Variants in UBXN2B observed in about 807,000 individuals in gnomAD.
The protein encoded by UBXN2B is UBX domain protein 2B.
Under a neutral mutation model 37.5 loss-of-function variants are expected in UBXN2B, and 19 were observed. The observed-to-expected ratio is 0.51, with a 90% CI of 0.35 to 0.74. UBXN2B has a LOEUF of 0.74. Among genes scored for constraint, UBXN2B ranks in the 30% least tolerant of loss-of-function variants. The pLI, the probability that UBXN2B is intolerant of heterozygous loss-of-function variation, is 0.01. For synonymous variants in UBXN2B, 145 were observed against 143.8 expected (o/e 1.01, Z -0.06); for missense variants, 370 against 393.2 (o/e 0.94, Z 0.50).
chr8:58,424,597 A>G, intron 2 of UBXN2B: 1 of 1,103,934 alleles, frequency 9.1e-7, no homozygotes, highest in Non-Finnish European at 1.4e-6. Context: ...CTCATCTGAA[A>G]CTCTTCTGCT....
intron 2 of UBXN2B, among the ~76,000 whole-genome samples, chr8:58,421,769 C>T (rs1246569126): frequency 1.3e-5 from 2 of 152,234 alleles, no homozygotes; most frequent in African/African-American, 2.4e-5. Flanking sequence ...TTTTACCAAA[C>T]ACATGATAAG....
At position 58,448,584 on chromosome 8, in the gene UBXN2B, A is replaced by G. The variant is rs945849226; in HGVS notation, c.*1033A>G. ...TTGATCACATTCATTTATTCATTCA[A>G]CACATTTTTCTAGGAAACTCACTGT... On this transcript the variant is annotated 3_prime_UTR_variant, in exon 8 of 8. Transcript: ENST00000399598. 1 of 99,298 alleles carries G rather than the reference A, an allele frequency of 1.0e-5. No homozygotes were observed. Among genetic ancestry groups the G allele is most frequent in the African/African-American group, 4.0e-5 (1 of 25,270 alleles). 6.2% of individuals were successfully genotyped at this position (99,298 alleles called of 1,614,324 possible).
At chr8:58,434,340 T>G in intron 4 of UBXN2B, 55 bp from the exon 5 acceptor site, 1 of 505,288 alleles carries the variant, frequency 2.0e-6, no homozygotes, top group Non-Finnish European at 2.9e-6. Context: ...TATTCTTATG[T>G]ATATGTGAAT....
At chr8:58,431,988 G>A (rs1808291341) in intron 3 of UBXN2B, among the ~76,000 whole-genome samples, 1 of 152,028 alleles carries the variant, frequency 6.6e-6, no homozygotes, top group African/African-American at 2.4e-5. Context: ...AATAGGTATG[G>A]GTCCTTTGTC....
chr8:58,434,948 G>T, intron 5 of UBXN2B: 4 of 1,535,458 alleles, frequency 2.6e-6, no homozygotes, highest in Non-Finnish European at 3.5e-6. Flanking sequence ...GATTTCAAAA[G>T]GTTAGTTTGA....
intron 6 of UBXN2B, among the ~76,000 whole-genome samples, chr8:58,441,296 G>C (rs1316179381): frequency 6.9e-6 from 1 of 144,710 alleles, no homozygotes; most frequent in Non-Finnish European, 1.5e-5. Context: ...GCCTGGCCAG[G>C]CTTCTCTCAA....
intron 2 of UBXN2B, chr8:58,426,739 T>G (rs1012630106): frequency 1.5e-6 from 1 of 658,406 alleles, no homozygotes; most frequent in Non-Finnish European, 2.9e-6. Context: ...CAGGCTCCAC[T>G]GGGCTCGGTC....
At chr8:58,441,119 A>T (rs1808529893) in intron 6 of UBXN2B, among the ~76,000 whole-genome samples, 2 of 151,074 alleles carry the variant, frequency 1.3e-5, no homozygotes, top group African/African-American at 4.9e-5. Flanking sequence ...CACTCTCCTG[A>T]CTGGGACTAT....
At chr8:58,412,913 TGCTATAACTTTCCCTG>T (rs1158618229) in intron 1 of UBXN2B, among the ~76,000 whole-genome samples, 1 of 152,236 alleles carries the variant, frequency 6.6e-6, no homozygotes, top group Non-Finnish European at 1.5e-5. Flanking sequence ...AGGAGAAAGA[TGCTATAACTTTCCCTG>T]GCTAGTCAAT....
chr8:58,421,562 CCTGACTCACCCATTA>C (rs1186377742), intron 2 of UBXN2B, among the ~76,000 whole-genome samples: 1 of 152,170 alleles, frequency 6.6e-6, no homozygotes, highest in Non-Finnish European at 1.5e-5. Flanking sequence ...TTCCAAATAA[CCTGACTCACCCATTA>C]CTGACTGGGC....
At chr8:58,425,891 T>C (rs1352539889) in intron 2 of UBXN2B, 1 of 1,181,280 alleles carries the variant, frequency 8.5e-7, no homozygotes, top group Non-Finnish European at 1.3e-6. Context: ...GTTATTGTTC[T>C]CCCCTTTGTC....
At chr8:58,432,490 C>T (rs1160691057) in intron 3 of UBXN2B, among the ~76,000 whole-genome samples, 1 of 142,448 alleles carries the variant, frequency 7.0e-6, no homozygotes, top group Non-Finnish European at 1.5e-5. Context: ...TCACACCATT[C>T]TCCTGCCTCA....
intron 1 of UBXN2B, among the ~76,000 whole-genome samples, chr8:58,416,116 C>G (rs1807776397): frequency 6.7e-6 from 1 of 149,750 alleles, no homozygotes; most frequent in East Asian, 1.9e-4. Context: ...ATTGAATAGC[C>G]ACAGGAGCAT....
intron 2 of UBXN2B, among the ~76,000 whole-genome samples, chr8:58,420,480 G>A (rs910790208): frequency 1.3e-5 from 2 of 152,098 alleles, no homozygotes; most frequent in Non-Finnish European, 2.9e-5. Flanking sequence ...TCAAAATGAT[G>A]ACATCCTAAA....
At chr8:58,424,611 G>T in intron 2 of UBXN2B, 1 of 1,159,184 alleles carries the variant, frequency 8.6e-7, no homozygotes, top group South Asian at 1.2e-5. Context: ...TTCTGCTGTT[G>T]CATCAGGCCC....
At chr8:58,417,880 A>G (rs1229930478) in intron 2 of UBXN2B, among the ~76,000 whole-genome samples, 1 of 152,158 alleles carries the variant, frequency 6.6e-6, no homozygotes, top group Non-Finnish European at 1.5e-5. Context: ...TCACCTCTAG[A>G]TACTTCAGCA....
intron 1 of UBXN2B, among the ~76,000 whole-genome samples, chr8:58,414,757 A>G (rs901908969): frequency 3.9e-5 from 6 of 152,190 alleles, no homozygotes; most frequent in African/African-American, 1.4e-4. Flanking sequence ...TAAGTTTTTA[A>G]TGATGTACCG....
At chr8:58,433,128 G>T (rs191824265) in intron 3 of UBXN2B, 32 bp from the exon 4 acceptor site, 6 of 1,509,512 alleles carry the variant, frequency 4.0e-6, no homozygotes, top group Non-Finnish European at 1.8e-6. Flanking sequence ...ATAATCCTTT[G>T]TGAATTTTAA....
intron 2 of UBXN2B, among the ~76,000 whole-genome samples, chr8:58,421,813 C>G (rs1277891242): frequency 2.0e-5 from 3 of 152,230 alleles, no homozygotes; most frequent in Non-Finnish European, 4.4e-5. Flanking sequence ...TAACTCTGGC[C>G]TTGGCCTAAG....
Sources: allele counts gnomAD v4.1 joint callset (sites outside exome capture counted in the v4.1 genomes callset), GRCh38; gene constraint gnomAD v4.1.1; transcripts MANE v1.5; gene names NCBI Gene and HGNC (gene_info 2026-07-23, HGNC 2026-07-21).